Variants in NRXN3 observed in about 807,000 individuals in gnomAD.
NRXN3 encodes neurexin III.
Under a neutral mutation model 137.6 loss-of-function variants are expected in NRXN3, and 32 were observed. That is an observed-to-expected ratio of 0.23 (90% CI 0.18 to 0.31). The LOEUF is 0.31. Among genes scored for constraint, NRXN3 ranks in the 10% least tolerant of loss-of-function variants. The probability of loss-of-function intolerance (pLI) is 1.00; values close to 1 mark genes in which losing one functional copy is unlikely to be tolerated. For synonymous variants in NRXN3, 798 were observed against 784.5 expected (o/e 1.02, Z -0.29); for missense variants, 1,574 against 2,062.5 (o/e 0.76, Z 4.59).
rs955922375 is a variant in NRXN3, at chr14:79,748,236, C to A, written c.4014+50299C>A. Among the ~76,000 whole-genome samples the A allele has an allele frequency of 3.3e-5, 5 of 151,534 alleles. No individual in the cohort carries two copies. The East Asian group carries it at 9.7e-4, about 29-fold the overall frequency. On this transcript the variant is annotated intron_variant, in intron 19 of 20. Coordinates refer to ENST00000335750, the MANE Select transcript of NRXN3 (RefSeq NM_001330195.2). The stretch of plus-strand genomic sequence containing the variant: ...AAAAAAGCTAAAAGCAAGCTTTATG[C>A]CAAAAAAAATTTTAAAAACTTAAAA...
intron 19 of NRXN3, among the ~76,000 whole-genome samples, chr14:79,756,784 T>C (rs1035811979): frequency 5.3e-5 from 8 of 152,204 alleles, no homozygotes; most frequent in Non-Finnish European, 1.2e-4. Context: ...CCAAAATCTA[T>C]AAGCCCACTC....
chr14:79,279,931 G>T (rs2080979146), intron 15 of NRXN3: 36 of 1,073,962 alleles, frequency 3.4e-5, no homozygotes, highest in Non-Finnish European at 4.1e-5. Flanking sequence ...GGGAGTGTGC[G>T]GTTAAGTCAT....
chr14:78,872,425 A>G (rs1374589991), intron 10 of NRXN3, among the ~76,000 whole-genome samples: 2 of 151,336 alleles, frequency 1.3e-5, no homozygotes, highest in Admixed American at 1.3e-4. Context: ...GGCTTTTAAA[A>G]TCAGTTTTCT....
At chr14:79,762,825 C>T (rs28494861) in intron 19 of NRXN3, among the ~76,000 whole-genome samples, 35 of 151,740 alleles carry the variant, frequency 2.3e-4, no homozygotes, top group African/African-American at 7.1e-4. Flanking sequence ...ATCATACAAA[C>T]ATTTTCATGG....
intron 8 of NRXN3, chr14:78,753,805 A>C (rs1481718210): frequency 6.6e-6 from 1 of 152,222 alleles, no homozygotes; most frequent in Non-Finnish European, 1.5e-5. Flanking sequence ...AAGTGGCCTC[A>C]TATATGGTCT....
intron 16 of NRXN3, among the ~76,000 whole-genome samples, chr14:79,502,956 T>C (rs893233529): frequency 6.6e-6 from 1 of 152,154 alleles, no homozygotes; most frequent in African/African-American, 2.4e-5. Flanking sequence ...TTCCTTTCTC[T>C]TTTCCCATCC....
chr14:78,403,592 C>A, intron 4 of NRXN3: 1 of 376,898 alleles, frequency 2.7e-6, no homozygotes, highest in Non-Finnish European at 3.7e-6. Context: ...CTGTCCCGGG[C>A]CCCAGATGTG....
At chr14:78,708,732 A>T (rs1260900633) in intron 6 of NRXN3, among the ~76,000 whole-genome samples, 6 of 152,176 alleles carry the variant, frequency 3.9e-5, no homozygotes, top group Admixed American at 3.9e-4. Context: ...TGACAATTTC[A>T]CTTAACAATG....
intron 1 of NRXN3, among the ~76,000 whole-genome samples, chr14:78,208,348 G>A (rs902088345): frequency 3.9e-5 from 6 of 152,100 alleles, no homozygotes; most frequent in Non-Finnish European, 8.8e-5. Context: ...CCTTGACACT[G>A]TGCCTGCAAT....
At chr14:79,521,901 T>C (rs78094114) in intron 16 of NRXN3, among the ~76,000 whole-genome samples, 2,455 of 152,288 alleles carry the variant, frequency 0.016, 37 homozygotes, top group East Asian at 0.076. Context: ...TTCCTGAAGG[T>C]AAATACCATT....
At chr14:78,425,002 G>A (rs925226509) in intron 4 of NRXN3, among the ~76,000 whole-genome samples, 1 of 151,966 alleles carries the variant, frequency 6.6e-6, no homozygotes, top group East Asian at 1.9e-4. Context: ...ACAGTGGCTT[G>A]TCTGATTTTC....
intron 4 of NRXN3, among the ~76,000 whole-genome samples, chr14:78,564,612 C>T (rs2096820894): frequency 6.6e-6 from 1 of 152,202 alleles, no homozygotes; most frequent in Admixed American, 6.5e-5. Context: ...TTGTACCTTT[C>T]CTTCTTGGAA....
intron 6 of NRXN3, among the ~76,000 whole-genome samples, chr14:78,652,458 AG>A (rs1322396224): frequency 1.3e-5 from 2 of 152,238 alleles, no homozygotes; most frequent in East Asian, 3.9e-4. Context: ...GTGGCATCAA[AG>A]CAGTGCACTG....
intron 10 of NRXN3, among the ~76,000 whole-genome samples, chr14:78,941,432 C>T (rs551759112): frequency 6.6e-6 from 1 of 152,300 alleles, no homozygotes; most frequent in South Asian, 2.1e-4. Context: ...CCTCACCCAG[C>T]CACCCCCATT....
At chr14:78,983,031 A>G (rs1437592274) in intron 14 of NRXN3, among the ~76,000 whole-genome samples, 1 of 152,184 alleles carries the variant, frequency 6.6e-6, no homozygotes, top group Non-Finnish European at 1.5e-5. Context: ...TATATATGAA[A>G]AAAATGCTCA....
At chr14:78,571,220 A>C (rs1192997747) in intron 4 of NRXN3, among the ~76,000 whole-genome samples, 2 of 152,194 alleles carry the variant, frequency 1.3e-5, no homozygotes, top group Non-Finnish European at 2.9e-5. Context: ...ACTTATTTTA[A>C]AGATAACTGA....
intron 10 of NRXN3, among the ~76,000 whole-genome samples, chr14:78,913,652 G>A (rs576708262): frequency 7.2e-5 from 11 of 151,994 alleles, no homozygotes; most frequent in Non-Finnish European, 1.2e-4. Flanking sequence ...GTTCATATTC[G>A]TTGGCATGGG....
intron 19 of NRXN3, among the ~76,000 whole-genome samples, chr14:79,777,076 T>A (rs555694985): frequency 1.3e-5 from 2 of 152,280 alleles, no homozygotes; most frequent in South Asian, 4.1e-4. Context: ...GAGAGAGTAA[T>A]CTTTGGAGAT....
intron 3 of NRXN3, among the ~76,000 whole-genome samples, chr14:78,283,735 C>G (rs1259579736): frequency 6.6e-6 from 1 of 152,148 alleles, no homozygotes; most frequent in Non-Finnish European, 1.5e-5. Flanking sequence ...TCTCAAACTC[C>G]TGACCACCTG....
Sources: allele counts gnomAD v4.1 joint callset (sites outside exome capture counted in the v4.1 genomes callset), GRCh38; gene constraint gnomAD v4.1.1; transcripts MANE v1.5; gene names NCBI Gene and HGNC (gene_info 2026-07-23, HGNC 2026-07-21).